Variants in CCDC171 observed in about 807,000 individuals in gnomAD.
The protein encoded by CCDC171 is coiled-coil domain-containing protein 171.
A neutral mutation model predicts 168.2 loss-of-function variants in CCDC171; 177 were observed. The ratio of observed to expected loss-of-function variants is 1.05; its 90% confidence interval spans 0.93 to 1.19. CCDC171 has a LOEUF of 1.19. Ranked by LOEUF, CCDC171 falls within the 50% of genes most tolerant of loss-of-function variation. The pLI, the probability that CCDC171 is intolerant of heterozygous loss-of-function variation, is 0.00. For synonymous variants in CCDC171, 687 were observed against 540.8 expected, an observed-to-expected ratio of 1.27 and a Z score of -3.75; for missense variants, 1,991 against 1,539.0, an observed-to-expected ratio of 1.29 and a Z score of -4.91.
At chr9:15,694,364 A>G (rs912251816) in intron 10 of CCDC171, among the ~76,000 whole-genome samples, 1 of 152,140 alleles carries the variant, frequency 6.6e-6, no homozygotes, top group Non-Finnish European at 1.5e-5. Context: ...TCATTTGTTC[A>G]TTCACATATA....
intron 18 of CCDC171, among the ~76,000 whole-genome samples, chr9:15,752,755 G>A (rs943636748): frequency 1.3e-5 from 2 of 151,994 alleles, no homozygotes; most frequent in African/African-American, 4.8e-5. Flanking sequence ...GTGTGGGCTG[G>A]GAGAGGGATA....
chr9:15,852,654 A>C (rs2061180013), intron 23 of CCDC171, among the ~76,000 whole-genome samples: 1 of 151,666 alleles, frequency 6.6e-6, no homozygotes, highest in African/African-American at 2.4e-5. Flanking sequence ...TCCATGTCCA[A>C]ATGCAAAGTC....
At chr9:15,646,836 G>T (rs889600169) in intron 7 of CCDC171, among the ~76,000 whole-genome samples, 1 of 152,156 alleles carries the variant, frequency 6.6e-6, no homozygotes, top group African/African-American at 2.4e-5. Context: ...ACATTAGACA[G>T]ATCAACTGGA....
At chr9:15,806,051 G>A (rs921944295) in intron 21 of CCDC171, among the ~76,000 whole-genome samples, 1 of 152,044 alleles carries the variant, frequency 6.6e-6, no homozygotes, top group Admixed American at 6.6e-5. Flanking sequence ...AACTAGTATT[G>A]CAACCCCTGC....
the CCDC171 span, among the ~76,000 whole-genome samples, chr9:16,077,006 A>G: frequency 1.3e-5 from 2 of 152,040 alleles, no homozygotes; most frequent in African/African-American, 2.4e-5. Context: ...CTTTCCTCTT[A>G]TGATATTTTG....
chr9:15,764,006 C>A (rs889010812), intron 18 of CCDC171, among the ~76,000 whole-genome samples: 1 of 151,968 alleles, frequency 6.6e-6, no homozygotes, highest in South Asian at 2.1e-4. Flanking sequence ...TGAGGGGAAG[C>A]GGTGGTAGTT....
At position 15,894,314 on chromosome 9, in the gene CCDC171, T is replaced by C. The variant is rs542138914; in HGVS notation, c.3600+19651T>C. ...GGGGAAGAGCATCAGGAAGGATAGC[T>C]AATGGATGCTGGGCTTAATACCTAG... On this transcript the variant is annotated intron_variant, in intron 24 of 25. Coordinates refer to ENST00000380701, the MANE Select transcript of CCDC171 (RefSeq NM_173550.4). 3.3e-5 allele frequency among the ~76,000 whole-genome samples: 5 copies of C among 152,158 alleles called. No individual in the cohort carries two copies. In the South Asian group the frequency reaches 1.0e-3, roughly 32 times the overall value.
At chr9:15,680,343 C>G (rs1440840185) in intron 10 of CCDC171, among the ~76,000 whole-genome samples, 4 of 152,152 alleles carry the variant, frequency 2.6e-5, no homozygotes, top group Non-Finnish European at 4.4e-5. Flanking sequence ...TACATACTTT[C>G]CTCAGAGGCT....
the CCDC171 span, among the ~76,000 whole-genome samples, chr9:16,083,085 G>C: frequency 6.6e-6 from 1 of 152,114 alleles, no homozygotes; most frequent in African/African-American, 2.4e-5. Context: ...TAGGTATCAG[G>C]GGTTTTTATT....
chr9:15,853,642 T>C (rs1043755133), intron 23 of CCDC171, among the ~76,000 whole-genome samples: 3 of 151,634 alleles, frequency 2.0e-5, no homozygotes, highest in Non-Finnish European at 4.4e-5. Context: ...TGAATAGACA[T>C]GTTGAGAGCA....
intron 4 of CCDC171, chr9:15,587,765 G>C (rs2041678081): frequency 2.6e-6 from 1 of 387,474 alleles, no homozygotes; most frequent in Non-Finnish European, 5.3e-6. Context: ...ACAACCAAGA[G>C]TTACCAGATA....
upstream of CCDC171, among the ~76,000 whole-genome samples, chr9:16,038,864 G>T (rs1225311633): frequency 1.7e-5 from 1 of 58,228 alleles, no homozygotes; most frequent in Non-Finnish European, 3.8e-5. Flanking sequence ...GACCTATCAG[G>T]CCAAAAAAAA....
At chr9:15,726,754 A>G (rs992502968) in intron 14 of CCDC171, among the ~76,000 whole-genome samples, 25 of 152,110 alleles carry the variant, frequency 1.6e-4, no homozygotes, top group Non-Finnish European at 2.4e-4. Context: ...TTAAAAATCT[A>G]TAATAGACTT....
At position 15,792,538 on chromosome 9, in the gene CCDC171, G is replaced by A. The variant is rs535022324; in HGVS notation, c.3267+7844G>A. On this transcript the variant is annotated intron_variant, in intron 21 of 25. Transcript: ENST00000380701. The stretch of plus-strand genomic sequence containing the variant: ...CATAATTGTCAGATTCACCAAAGTT[G>A]AAATGAAGGAAAAAATGTTAAGGGC... Among the ~76,000 whole-genome samples the A allele has an allele frequency of 5.3e-5, 8 of 152,278 alleles. No individual in the cohort carries two copies. In the East Asian group the frequency reaches 1.4e-3, roughly 26 times the overall value.
At chr9:15,885,356 A>G (rs1819250499) in intron 24 of CCDC171, among the ~76,000 whole-genome samples, 1 of 152,198 alleles carries the variant, frequency 6.6e-6, no homozygotes, top group Non-Finnish European at 1.5e-5. Flanking sequence ...GGCAAAAACT[A>G]AATTCTAAAC....
At chr9:16,081,651 G>A in the CCDC171 span, among the ~76,000 whole-genome samples, 1 of 152,118 alleles carries the variant, frequency 6.6e-6, no homozygotes, top group East Asian at 1.9e-4. Context: ...GCTATGTGGG[G>A]TAATACATTT....
At chr9:15,965,779 T>G (rs925913826) in intron 25 of CCDC171, among the ~76,000 whole-genome samples, 6 of 152,164 alleles carry the variant, frequency 3.9e-5, no homozygotes, top group Non-Finnish European at 7.3e-5. Flanking sequence ...CCTTTACAGA[T>G]AAGGATAAAA....
At chr9:15,887,725 T>G (rs1256985735) in intron 24 of CCDC171, 1 of 152,158 alleles carries the variant, frequency 6.6e-6, no homozygotes, top group Non-Finnish European at 1.5e-5. Context: ...AAATAAATTC[T>G]CATAATAATT....
At chr9:15,951,997 G>C (rs564275816) in intron 25 of CCDC171, among the ~76,000 whole-genome samples, 1 of 151,992 alleles carries the variant, frequency 6.6e-6, no homozygotes, top group Non-Finnish European at 1.5e-5. Context: ...TATAATTTTT[G>C]GTCTTACATT....
Sources: allele counts gnomAD v4.1 joint callset (sites outside exome capture counted in the v4.1 genomes callset), GRCh38; gene constraint gnomAD v4.1.1; transcripts MANE v1.5; gene names NCBI Gene and HGNC (gene_info 2026-07-23, HGNC 2026-07-21).